Variants in VPS35L observed in about 807,000 individuals in gnomAD.
VPS35L encodes the protein VPS35 endosomal protein-sorting factor-like.
In VPS35L, 83 loss-of-function variants were observed where a neutral mutation model predicts 133.0. That is an observed-to-expected ratio of 0.62 (90% CI 0.52 to 0.75). VPS35L has a LOEUF of 0.75. Ranked by LOEUF, VPS35L falls within the 30% of genes least tolerant of loss-of-function variation. The pLI is 0.00. For synonymous variants in VPS35L, 423 were observed against 449.9 expected (o/e 0.94, Z 0.76); for missense variants, 1,083 against 1,206.8 (o/e 0.90, Z 1.52).
At chr16:19,616,887 A>G in intron 14 of VPS35L, 79 bp downstream of exon 14, 3 of 1,584,150 alleles carry the variant, frequency 1.9e-6, no homozygotes, top group Non-Finnish European at 2.6e-6. Context: ...TTTAACGTTA[A>G]TGGGACCCTT....
At chr16:19,570,881 A>ATTTTTTTTTT (rs1567388851) in intron 3 of VPS35L, among the ~76,000 whole-genome samples, 2 of 64,310 alleles carry the variant, frequency 3.1e-5, no homozygotes, top group African/African-American at 1.6e-4. Flanking sequence ...ATATATATAT[A>ATTTTTTTTTT]TATATATATT....
chr16:19,647,140 A>T (rs141027910), intron 23 of VPS35L, among the ~76,000 whole-genome samples: 4 of 152,330 alleles, frequency 2.6e-5, no homozygotes, highest in Admixed American at 6.5e-5. Flanking sequence ...AAACAGACAT[A>T]TGGATTTTCC....
chr16:19,700,331 A>G (rs752629191), intron 30 of VPS35L, 47 bp from the exon 31 acceptor site: 1 of 1,531,854 alleles, frequency 6.5e-7, no homozygotes, highest in Non-Finnish European at 9.0e-7. Flanking sequence ...CTTGGGCTCC[A>G]AGGATAATGA....
intron 8 of VPS35L, 60 bp from the exon 9 acceptor site, chr16:19,601,604 T>C: frequency 6.5e-7 from 1 of 1,544,602 alleles, no homozygotes; most frequent in Non-Finnish European, 8.9e-7. Context: ...TAACAAACAT[T>C]TATTTACTGT....
intron 1 of VPS35L, among the ~76,000 whole-genome samples, chr16:19,557,921 G>A (rs1207273923): frequency 3.3e-5 from 5 of 152,048 alleles, no homozygotes; most frequent in Non-Finnish European, 5.9e-5. Flanking sequence ...CATGACGGCA[G>A]GTTCCTGTAA....
At chr16:19,688,248 G>A (rs748248463) in intron 28 of VPS35L, among the ~76,000 whole-genome samples, 4 of 152,034 alleles carry the variant, frequency 2.6e-5, no homozygotes, top group Admixed American at 6.5e-5. Context: ...TTTGTCCCTC[G>A]TTTGTGCACA....
intron 29 of VPS35L, among the ~76,000 whole-genome samples, chr16:19,698,408 C>A (rs1975991297): frequency 6.6e-6 from 1 of 152,138 alleles, no homozygotes; most frequent in Non-Finnish European, 1.5e-5. Flanking sequence ...AATGCTTCTG[C>A]TTTTAAGGGC....
chr16:19,621,973 TGTGTGCATGTGTGTGTGCAC>T (rs1235857360), intron 14 of VPS35L, among the ~76,000 whole-genome samples: 1 of 151,972 alleles, frequency 6.6e-6, no homozygotes, highest in Non-Finnish European at 1.5e-5. Context: ...TGTGTGTGTA[TGTGTGCATGTGTGTGTGCAC>T]GTGCATGCAT....
rs17854969 is a variant in VPS35L, at chr16:19,564,928, A to G, written c.95A>G (p.Tyr32Cys). 4 of 1,612,256 alleles carry G rather than the reference A, an allele frequency of 2.5e-6. No homozygotes were observed. Among genetic ancestry groups the G allele is most frequent in the Non-Finnish European group, 3.4e-6 (4 of 1,178,376 alleles). Residue 32 changes from tyrosine (Y) to cysteine (C), a missense_variant, in exon 2 of 31, where the codon TAT becomes TGT. Coordinates refer to ENST00000417362, the MANE Select transcript of VPS35L (RefSeq NM_020314.7). Reference protein sequence around the residue: ...LEAVPLEFGDYHPLKPITVTE... With the variant: ...LEAVPLEFGDCHPLKPITVTE... ...GCTGTACCATTGGAGTTTGGGGACT[A>G]TCACCCTCTGAAACCCATAACTGTA...
At position 19,674,925 on chromosome 16, in the gene VPS35L, A is replaced by T. The variant is rs76067429; in HGVS notation, c.2361+5626A>T. 1.5e-3 allele frequency among the ~76,000 whole-genome samples: 223 copies of T among 151,182 alleles called. 4 individuals are homozygous for T. The East Asian group carries it at 0.039, about 26-fold the overall frequency. On this transcript the variant is annotated intron_variant, in intron 27 of 30. Transcript: ENST00000417362. The stretch of plus-strand genomic sequence containing the variant: ...AAGGCTGAATAATATTCCATTGTGC[A>T]TGTGTATAATGTTTTCTTTTCTTTT...
chr16:19,589,896 T>C lies in VPS35L; in HGVS notation c.640-1894T>C, dbSNP rs13336276. Among the ~76,000 whole-genome samples the C allele has an allele frequency of 4.2e-3, 639 of 152,254 alleles. 7 individuals are homozygous for C. Among genetic ancestry groups the C allele is most frequent in the African/African-American group, 0.015 (611 of 41,532 alleles). On this transcript the variant is annotated intron_variant, in intron 7 of 30. Transcript: ENST00000417362. Reference sequence around the variant, plus strand: ...GAGACTGTCCAAGCCCAGCTCTGGGTAGAACTCAGAGATGTCACATCCCTA... The same window carrying C: ...GAGACTGTCCAAGCCCAGCTCTGGGCAGAACTCAGAGATGTCACATCCCTA...
intron 12 of VPS35L, among the ~76,000 whole-genome samples, chr16:19,612,445 G>A (rs1392651268): frequency 6.6e-6 from 1 of 152,002 alleles, no homozygotes; most frequent in African/African-American, 2.4e-5. Context: ...GTAGTGACAG[G>A]GTGTCACCAT....
intron 14 of VPS35L, 108 bp downstream of exon 14, chr16:19,616,916 TGTTAG>T: frequency 6.6e-7 from 1 of 1,505,764 alleles, no homozygotes; most frequent in Non-Finnish European, 9.2e-7. Flanking sequence ...GCTATAGCAA[TGTTAG>T]TGCTAGCCAG....
At chr16:19,659,211 G>T (rs1266396808) in intron 26 of VPS35L, among the ~76,000 whole-genome samples, 1 of 152,108 alleles carries the variant, frequency 6.6e-6, no homozygotes, top group Non-Finnish European at 1.5e-5. Flanking sequence ...GAGACAATAC[G>T]CAACCTCAAA....
intron 26 of VPS35L, among the ~76,000 whole-genome samples, chr16:19,659,804 T>C (rs962331204): frequency 6.6e-6 from 1 of 152,234 alleles, no homozygotes; most frequent in Admixed American, 6.5e-5. Flanking sequence ...AGGAAGAAGA[T>C]ATGTCTGGAT....
chr16:19,565,447 A>G (rs1016782518), intron 2 of VPS35L, among the ~76,000 whole-genome samples: 35 of 152,180 alleles, frequency 2.3e-4, no homozygotes, highest in African/African-American at 8.0e-4. Flanking sequence ...GGTTCAAGCA[A>G]TTCACCTGCC....
chr16:19,685,488 A>G (rs1169616295), intron 28 of VPS35L, among the ~76,000 whole-genome samples: 1 of 152,158 alleles, frequency 6.6e-6, no homozygotes, highest in Admixed American at 6.6e-5. Flanking sequence ...TGAGTAATGC[A>G]GCTGTGAACA....
chr16:19,670,333 G>C (rs982808306), intron 27 of VPS35L, among the ~76,000 whole-genome samples: 7 of 152,220 alleles, frequency 4.6e-5, no homozygotes, highest in Non-Finnish European at 8.8e-5. Flanking sequence ...TCGCCCAGTG[G>C]GGAAGGGCAC....
chr16:19,607,129 C>G (rs900057346), intron 9 of VPS35L, among the ~76,000 whole-genome samples: 1 of 152,156 alleles, frequency 6.6e-6, no homozygotes, highest in Non-Finnish European at 1.5e-5. Flanking sequence ...AGATGTATGT[C>G]AAGTCCAGAA....
Sources: gnomAD v4.1 joint callset for allele counts (sites outside exome capture counted in the v4.1 genomes callset) on GRCh38, gnomAD v4.1.1 for gene constraint, MANE v1.5 for transcripts, NCBI Gene and HGNC (gene_info 2026-07-23, HGNC 2026-07-21) for gene names.